The following C1orf87 variants were observed in gnomAD, a reference collection of about 807,000 sequenced individuals.
The protein encoded by C1orf87 is chromosome 1 open reading frame 87.
Under a neutral mutation model 60.5 loss-of-function variants are expected in C1orf87, and 58 were observed. The observed-to-expected ratio is 0.96, with a 90% CI of 0.78 to 1.19. C1orf87 has a LOEUF of 1.19. Ranked by LOEUF, C1orf87 falls within the 50% of genes most tolerant of loss-of-function variation. C1orf87 has a pLI of 0.00. For synonymous variants in C1orf87, 236 were observed against 227.4 expected, an observed-to-expected ratio of 1.04 and a Z score of -0.34; for missense variants, 673 against 638.6, an observed-to-expected ratio of 1.05 and a Z score of -0.58.
At chr1:60,024,818 G>A (rs1356264951) in intron 8 of C1orf87, among the ~76,000 whole-genome samples, 1 of 152,114 alleles carries the variant, frequency 6.6e-6, no homozygotes, top group Non-Finnish European at 1.5e-5. Context: ...CATATATTTT[G>A]TCCTATTTTT....
In C1orf87 at chr1:60,040,001, G is replaced by T. The variant is rs1279370938; in HGVS notation, c.663C>A (p.Leu221=). 6.2e-7 allele frequency: 1 copy of T among 1,614,046 alleles called. No individual in the cohort carries two copies. The highest frequency in any genetic ancestry group is 1.3e-5 in the African/African-American group (1 of 74,924). The change falls in exon 5 of 12, where the codon CTC becomes CTA. Residue 221 remains leucine, a synonymous_variant. Transcript: ENST00000371201. ...GTAGAGGGACTTCATGCTTCAAAAAGAGGCGGCTCAGCTGAGATTGGAGAA... is the reference window on the plus strand; with the variant it reads ...GTAGAGGGACTTCATGCTTCAAAAATAGGCGGCTCAGCTGAGATTGGAGAA... ...GFLLQSQLSR[L]FLKHEVPLQL...
At chr1:60,001,211 A>G (rs1157342132) in intron 9 of C1orf87, 55 bp from the exon 10 acceptor site, 1 of 1,273,908 alleles carries the variant, frequency 7.8e-7, no homozygotes, top group Non-Finnish European at 1.1e-6. Flanking sequence ...TCTTCATTTA[A>G]CACACACATA....
intron 7 of C1orf87, among the ~76,000 whole-genome samples, chr1:60,032,015 C>T (rs1645241541): frequency 6.6e-6 from 1 of 152,098 alleles, no homozygotes; most frequent in South Asian, 2.1e-4. Context: ...TACACACACA[C>T]ACACACAGAG....
chr1:60,033,570 A>G lies in C1orf87; in HGVS notation c.935T>C (p.Leu312Pro). 1 of 1,613,664 alleles carries G rather than the reference A, an allele frequency of 6.2e-7. No individual in the cohort carries two copies. Among genetic ancestry groups the G allele is most frequent in the Non-Finnish European group, 8.5e-7 (1 of 1,179,756 alleles). The change falls in exon 7 of 12, where the codon CTA (leucine) becomes CCA (proline). Residue 312 changes from leucine (L) to proline (P), a missense_variant. Physicochemically the swap from Leu to Pro is moderately conservative, Grantham distance 98. Transcript: ENST00000371201. ...RSLLEILKMA[L>P]RTTNGRLNID... is the part of the protein sequence containing the mutation. ...GTTGAGTCTGCCATTGGTTGTCCTT[A>G]GTGCCATCTTCAAAATCTCCAACAG...
chr1:60,037,305 G>C (rs895296633), intron 6 of C1orf87, among the ~76,000 whole-genome samples: 5 of 152,210 alleles, frequency 3.3e-5, no homozygotes, highest in African/African-American at 1.2e-4. Flanking sequence ...GGTCACGAGG[G>C]TGGAGTCCTC....
chr1:60,028,901 C>T (rs536544785), intron 7 of C1orf87, among the ~76,000 whole-genome samples: 2 of 151,810 alleles, frequency 1.3e-5, no homozygotes, highest in Admixed American at 6.6e-5. Context: ...CTTGGCTTCT[C>T]TTTGTTTACT....
intron 9 of C1orf87, among the ~76,000 whole-genome samples, chr1:60,005,732 A>C (rs1369043926): frequency 6.6e-6 from 1 of 151,564 alleles, no homozygotes; most frequent in East Asian, 1.9e-4. Context: ...ACAGGGCTAA[A>C]AGGCCCCATG....
At chr1:60,060,020 G>T (rs554997572) in intron 2 of C1orf87, among the ~76,000 whole-genome samples, 17 of 151,616 alleles carry the variant, frequency 1.1e-4, no homozygotes, top group Non-Finnish European at 2.1e-4. Context: ...CAGGGAAGCT[G>T]AAATGTGAAG....
In C1orf87 at chr1:60,039,918, A is replaced by G. The variant is rs1388748495; in HGVS notation, c.746T>C (p.Met249Thr). 15 of 1,612,964 alleles carry G rather than the reference A, an allele frequency of 9.3e-6. No individual in the cohort carries two copies. The highest frequency in any genetic ancestry group is 3.3e-5 in the South Asian group (3 of 90,850). ...CTTCCAATAGTACAATTGCCATACC[A>G]TTTCAGGAGAACCCCTCTTAGAAAA... ...QRFSKRGSPE[M>T]VNYEKLLWFL... Residue 249 changes from methionine (M) to threonine (T), a missense_variant and splice_region_variant, in exon 5 of 12, where the codon ATG (methionine) becomes ACG (threonine). Coordinates refer to ENST00000371201, the MANE Select transcript of C1orf87 (RefSeq NM_152377.3).
intron 2 of C1orf87, among the ~76,000 whole-genome samples, chr1:60,058,665 AG>A: frequency 6.6e-6 from 1 of 152,334 alleles, no homozygotes; most frequent in African/African-American, 2.4e-5. Flanking sequence ...AATTAAGGCC[AG>A]GAAAGTTGAT....
At chr1:60,070,043 C>T (rs1199354945) in intron 2 of C1orf87, among the ~76,000 whole-genome samples, 1 of 152,168 alleles carries the variant, frequency 6.6e-6, no homozygotes, top group Non-Finnish European at 1.5e-5. Flanking sequence ...TAGGTCTTTC[C>T]CTGGCACCTT....
In C1orf87 at chr1:60,033,395, GC is replaced by G. The variant is rs35194533; in HGVS notation, c.1029+80del. On this transcript the variant is annotated intron_variant, in intron 7 of 11. Coordinates refer to ENST00000371201, the MANE Select transcript of C1orf87 (RefSeq NM_152377.3). ...TAATCCACAGGCAGAATATGGATCA[GC>G]CCTGTGCCTTATTGCTATAGACCCA... is the stretch of plus-strand genomic sequence containing the variant. The G allele has an allele frequency of 1.3e-5, 18 of 1,339,498 alleles. No homozygotes were observed. In the East Asian group the frequency reaches 3.3e-4, roughly 24 times the overall value. The allele number at this position is 1,339,498 out of a possible 1,614,324, so 83.0% of individuals were successfully genotyped here.
chr1:60,054,788 A>G (rs1367475257), intron 3 of C1orf87, among the ~76,000 whole-genome samples: 1 of 152,194 alleles, frequency 6.6e-6, no homozygotes, highest in Non-Finnish European at 1.5e-5. Flanking sequence ...TGGGGCCTAT[A>G]ATTTTTTTTT....
At chr1:60,017,427 T>C (rs1015283947) in intron 8 of C1orf87, among the ~76,000 whole-genome samples, 3 of 152,302 alleles carry the variant, frequency 2.0e-5, no homozygotes, top group African/African-American at 7.2e-5. Flanking sequence ...CAGATGTGTA[T>C]GATAAGTCCT....
chr1:60,041,185 A>C (rs1645322471), intron 3 of C1orf87, 54 bp from the exon 4 acceptor site: 1 of 1,411,758 alleles, frequency 7.1e-7, no homozygotes, highest in Non-Finnish European at 9.4e-7. Context: ...GGTAGGGAAG[A>C]GAAAGAGGAA....
chr1:60,018,609 C>T (rs1464222822), intron 8 of C1orf87, among the ~76,000 whole-genome samples: 2 of 152,078 alleles, frequency 1.3e-5, no homozygotes, highest in Admixed American at 6.6e-5. Context: ...TAGATTGGTG[C>T]CTTTTTGGTA....
intron 2 of C1orf87, among the ~76,000 whole-genome samples, chr1:60,068,922 G>T (rs578195161): frequency 1.3e-5 from 2 of 152,030 alleles, no homozygotes; most frequent in Non-Finnish European, 2.9e-5. Flanking sequence ...AACAGCATGG[G>T]CCTTTAGATT....
intron 3 of C1orf87, 23 bp from the exon 4 acceptor site, chr1:60,041,154 G>T (rs1200436083): frequency 2.6e-6 from 4 of 1,517,364 alleles, no homozygotes; most frequent in Non-Finnish European, 3.6e-6. Context: ...AGGACAAAGG[G>T]AAGCAAGGAG....
intron 11 of C1orf87, among the ~76,000 whole-genome samples, chr1:59,993,622 T>C (rs1427006649): frequency 6.6e-6 from 1 of 152,114 alleles, no homozygotes; most frequent in East Asian, 1.9e-4. Context: ...CTGAATGAAA[T>C]TTGTATCTGT....
Sources: allele counts gnomAD v4.1 joint callset (sites outside exome capture counted in the v4.1 genomes callset), GRCh38; gene constraint gnomAD v4.1.1; transcripts MANE v1.5; gene names NCBI Gene and HGNC (gene_info 2026-07-23, HGNC 2026-07-21).